Variants in DIAPH2 observed in about 807,000 individuals in gnomAD.
DIAPH2 encodes diaphanous related formin 2.
Under a neutral mutation model 92.7 loss-of-function variants are expected in DIAPH2, and 35 were observed. The observed-to-expected ratio is 0.38, with a 90% CI of 0.29 to 0.50. The LOEUF is 0.50. Ranked by LOEUF, DIAPH2 falls within the 20% of genes least tolerant of loss-of-function variation. The pLI is 0.94. For missense variants in DIAPH2, 701 were observed against 819.5 expected, an observed-to-expected ratio of 0.86 and a Z score of 1.77; for synonymous variants, 301 against 280.4, an observed-to-expected ratio of 1.07 and a Z score of -0.73.
At chrX:96,804,107 A>G in intron 4 of DIAPH2, among the ~76,000 whole-genome samples, 1 of 111,464 alleles carries the variant, frequency 9.0e-6, no homozygotes, top group East Asian at 2.8e-4. Flanking sequence ...CCTGACCGGA[A>G]TAATTTTGTC....
At chrX:96,973,375 G>A (rs1440264093) in intron 17 of DIAPH2, among the ~76,000 whole-genome samples, 3 of 110,909 alleles carry the variant, frequency 2.7e-5, no homozygotes, top group Non-Finnish European at 5.7e-5. Context: ...ATATGCACCT[G>A]GAGTCCCAGT....
intron 4 of DIAPH2, among the ~76,000 whole-genome samples, chrX:96,796,968 T>A (rs1185767192): frequency 8.9e-6 from 1 of 112,018 alleles, no homozygotes; most frequent in African/African-American, 3.2e-5. Context: ...TTTAAGTATT[T>A]CTTATAGTGC....
chrX:96,918,591 G>C lies in DIAPH2; in HGVS notation c.952G>C (p.Glu318Gln), dbSNP rs778800723. The C allele has an allele frequency of 1.7e-6, 2 of 1,200,728 alleles. No homozygotes were observed. The highest frequency in any genetic ancestry group is 3.6e-5 in the South Asian group (2 of 55,595). The change falls in exon 9 of 27, where the codon GAA becomes CAA. Residue 318 changes from glutamate to glutamine, a missense_variant. By Grantham distance (29) the Glu-to-Gln change is conservative. This residue lies in a region of DIAPH2 where 536 missense variants were observed against 599.3 expected (regional missense o/e 0.89). Transcript: ENST00000324765. ...ERFSPIVEGL[E>Q]NQEALQLQVA... ...ATTTTCACCAATTGTGGAAGGTTTA[G>C]AAAATCAGGAAGCCTTGCAATTACA...
chrX:97,195,587 G>C (rs1473244779), intron 22 of DIAPH2, among the ~76,000 whole-genome samples: 2 of 108,072 alleles, frequency 1.9e-5, no homozygotes, highest in African/African-American at 6.8e-5. Context: ...CTTGAACCTG[G>C]GGGGTGGAGG....
chrX:97,144,222 G>A (rs998665057), intron 22 of DIAPH2, among the ~76,000 whole-genome samples: 2 of 111,090 alleles, frequency 1.8e-5, no homozygotes, highest in South Asian at 7.7e-4. Flanking sequence ...CATGCTACTT[G>A]CAGGGGCTGA....
chrX:96,780,320 A>G (rs1480220332), intron 4 of DIAPH2, among the ~76,000 whole-genome samples: 2 of 111,755 alleles, frequency 1.8e-5, no homozygotes, highest in African/African-American at 3.3e-5. Context: ...TCTTGGGGAA[A>G]AAAGCTTTAA....
intron 5 of DIAPH2, chrX:96,884,792 C>T (rs766197285): frequency 6.6e-6 from 8 of 1,210,896 alleles, no homozygotes; most frequent in Non-Finnish European, 5.6e-6. Flanking sequence ...ATTCTGGAAA[C>T]GGTCAATGCA....
At chrX:97,032,758 TAA>T (rs1313851399) in intron 17 of DIAPH2, among the ~76,000 whole-genome samples, 1 of 111,801 alleles carries the variant, frequency 8.9e-6, no homozygotes, top group East Asian at 2.8e-4. Context: ...GGAATATTTT[TAA>T]GAGAGTATAT....
intron 26 of DIAPH2, among the ~76,000 whole-genome samples, chrX:97,547,920 GTTCCATATCAT>G (rs2071193063): frequency 8.9e-6 from 1 of 111,988 alleles, no homozygotes; most frequent in African/African-American, 3.2e-5. Context: ...TCTTTGTGTT[GTTCCATATCAT>G]TTCCCTATTT....
At chrX:97,165,806 G>A (rs974852976) in intron 22 of DIAPH2, among the ~76,000 whole-genome samples, 1 of 111,138 alleles carries the variant, frequency 9.0e-6, no homozygotes, top group African/African-American at 3.3e-5. Flanking sequence ...GATGCAATTT[G>A]AGAATAAACA....
At chrX:96,917,276 T>C (rs911278055) in intron 8 of DIAPH2, among the ~76,000 whole-genome samples, 5 of 111,332 alleles carry the variant, frequency 4.5e-5, no homozygotes, top group Admixed American at 9.6e-5. Flanking sequence ...GTGACAGTAA[T>C]AATGTCAATT....
intron 23 of DIAPH2, among the ~76,000 whole-genome samples, chrX:97,315,953 C>T (rs905232174): frequency 5.4e-5 from 6 of 111,813 alleles, no homozygotes; most frequent in Non-Finnish European, 7.5e-5. Flanking sequence ...TTGAGAAAAG[C>T]AGGTTCACAT....
chrX:97,304,120 T>C (rs1189974175), intron 23 of DIAPH2, among the ~76,000 whole-genome samples: 1 of 112,014 alleles, frequency 8.9e-6, no homozygotes, highest in Admixed American at 9.6e-5. Context: ...TTAGCTAATA[T>C]ATAAATAAAC....
intron 17 of DIAPH2, among the ~76,000 whole-genome samples, chrX:97,009,606 A>G (rs1442750285): frequency 8.9e-6 from 1 of 112,493 alleles, no homozygotes; most frequent in Non-Finnish European, 1.9e-5. Context: ...TACCACTGCT[A>G]ACTACTTAGT....
At chrX:97,405,199 T>A (rs1284199395) in intron 25 of DIAPH2, among the ~76,000 whole-genome samples, 2 of 112,153 alleles carry the variant, frequency 1.8e-5, no homozygotes, top group African/African-American at 3.2e-5. Context: ...CAGTACTGCA[T>A]AACTTACTTT....
intron 25 of DIAPH2, among the ~76,000 whole-genome samples, chrX:97,385,607 A>T (rs937460345): frequency 9.0e-6 from 1 of 111,529 alleles, no homozygotes; most frequent in Non-Finnish European, 1.9e-5. Flanking sequence ...TACAGATAGA[A>T]AACTGAGGCT....
chrX:96,923,310 T>C (rs2065558819), intron 9 of DIAPH2, among the ~76,000 whole-genome samples: 1 of 112,060 alleles, frequency 8.9e-6, no homozygotes, highest in Admixed American at 9.5e-5. Context: ...GCACATTTTG[T>C]AATTAGATAT....
At chrX:97,169,892 AAAAC>A (rs1210106943) in intron 22 of DIAPH2, among the ~76,000 whole-genome samples, 10 of 112,045 alleles carry the variant, frequency 8.9e-5, no homozygotes, top group East Asian at 2.8e-4. Context: ...AAAAGTACCC[AAAAC>A]AAACAAACAA....
chrX:97,084,234 TACCTAACCTCTC>T (rs2066767740), intron 19 of DIAPH2, among the ~76,000 whole-genome samples: 1 of 111,268 alleles, frequency 9.0e-6, no homozygotes, highest in African/African-American at 3.3e-5. Flanking sequence ...GGGAGAAAGT[TACCTAACCTCTC>T]TGAGTCCATT....
Sources: allele counts gnomAD v4.1 joint callset (sites outside exome capture counted in the v4.1 genomes callset), GRCh38; gene constraint gnomAD v4.1.1; regional missense constraint gnomAD v4.1.1; transcripts MANE v1.5; gene names NCBI Gene and HGNC (gene_info 2026-07-23, HGNC 2026-07-21).